The following EBF2 variants were observed in gnomAD, a reference collection of about 807,000 sequenced individuals.
The protein encoded by EBF2 is transcription factor COE2.
Under a neutral mutation model 72.8 loss-of-function variants are expected in EBF2, and 21 were observed. The ratio of observed to expected loss-of-function variants is 0.29; its 90% CI spans 0.20 to 0.42. The LOEUF (loss-of-function observed/expected upper bound fraction) is 0.42, where lower values mean the gene tolerates loss of function less well. EBF2 is among the 10% of genes least tolerant of loss of function. The pLI is 1.00. For synonymous variants in EBF2, 299 were observed against 274.2 expected (o/e 1.09, Z -0.89); for missense variants, 637 against 731.2 (o/e 0.87, Z 1.49).
chr8:25,929,478 A>G (rs1226411623), intron 6 of EBF2, among the ~76,000 whole-genome samples: 1 of 152,002 alleles, frequency 6.6e-6, no homozygotes, highest in Non-Finnish European at 1.5e-5. Context: ...TTGTGGGCTT[A>G]CTCTGTTTTT....
intron 3 of EBF2, 34 bp from the exon 4 acceptor site, chr8:26,040,705 G>A (rs2117266249): frequency 1.3e-6 from 2 of 1,550,674 alleles, no homozygotes; most frequent in East Asian, 2.4e-5. Context: ...GTCAAGGGCC[G>A]TAGAGCCCCT....
At chr8:25,988,281 G>A (rs1341432955) in intron 6 of EBF2, among the ~76,000 whole-genome samples, 2 of 152,122 alleles carry the variant, frequency 1.3e-5, no homozygotes, top group African/African-American at 4.8e-5. Context: ...ATCTTCCCAA[G>A]GCTCCATTAG....
At chr8:25,941,163 T>C (rs182810492) in intron 6 of EBF2, among the ~76,000 whole-genome samples, 1 of 151,130 alleles carries the variant, frequency 6.6e-6, no homozygotes, top group East Asian at 1.9e-4. Context: ...CTGCAGTCCC[T>C]GGGGCCTCCC....
rs529778990 is a variant in EBF2, at chr8:25,997,995, GA to G, written c.551+35089del. Among the ~76,000 whole-genome samples the G allele has an allele frequency of 8.9e-4, 136 of 152,024 alleles. 1 individual carries two copies. Among genetic ancestry groups the G allele is most frequent in the East Asian group, 3.1e-3 (16 of 5,186 alleles). ...TTAGAATTCCAAGGATAAATTGGCA[GA>G]AAAAAAATTATAACTAGAGACTTTT... On this transcript the variant is annotated intron_variant, in intron 6 of 15. Transcript: ENST00000520164.
At chr8:25,982,754 G>T (rs1477515695) in intron 6 of EBF2, among the ~76,000 whole-genome samples, 1 of 151,886 alleles carries the variant, frequency 6.6e-6, no homozygotes, top group East Asian at 1.9e-4. Context: ...GAAAGTTCAG[G>T]GTGATTTAAA....
intron 7 of EBF2, among the ~76,000 whole-genome samples, chr8:25,899,465 C>A (rs1802913727): frequency 6.6e-6 from 1 of 152,160 alleles, no homozygotes; most frequent in African/African-American, 2.4e-5. Flanking sequence ...AAGATGTGAA[C>A]TGAAGAAACC....
chr8:25,994,425 C>T (rs1301179452), intron 6 of EBF2, among the ~76,000 whole-genome samples: 1 of 152,060 alleles, frequency 6.6e-6, no homozygotes, highest in African/African-American at 2.4e-5. Flanking sequence ...TTCTTGAAAA[C>T]AATTTAATAG....
intron 6 of EBF2, among the ~76,000 whole-genome samples, chr8:25,978,456 TTGGCAGC>T (rs1157707212): frequency 3.9e-5 from 6 of 152,194 alleles, no homozygotes; most frequent in African/African-American, 7.2e-5. Flanking sequence ...AGGAATGCTA[TTGGCAGC>T]TGGCTGGGAG....
At chr8:25,929,457 G>A (rs1243293048) in intron 6 of EBF2, among the ~76,000 whole-genome samples, 3 of 152,182 alleles carry the variant, frequency 2.0e-5, no homozygotes, top group African/African-American at 4.8e-5. Flanking sequence ...GACACTCGAC[G>A]AGGCTTTTTA....
chr8:25,998,912 T>C (rs1804678105), intron 6 of EBF2, among the ~76,000 whole-genome samples: 1 of 152,278 alleles, frequency 6.6e-6, no homozygotes, highest in South Asian at 2.1e-4. Context: ...CGTCTCTCTT[T>C]GAATAAACAA....
chr8:25,948,343 C>T (rs1287098627), intron 6 of EBF2, among the ~76,000 whole-genome samples: 1 of 152,150 alleles, frequency 6.6e-6, no homozygotes, highest in Non-Finnish European at 1.5e-5. Flanking sequence ...GGAAGCAAAC[C>T]AGTTCTATGG....
chr8:25,895,917 G>GTGTGTA (rs1370751522), intron 7 of EBF2, among the ~76,000 whole-genome samples: 5 of 92,864 alleles, frequency 5.4e-5, no homozygotes, highest in Admixed American at 3.2e-4. Context: ...GGAACACCGT[G>GTGTGTA]TGTGTATGTG....
intron 6 of EBF2, among the ~76,000 whole-genome samples, chr8:25,996,014 C>A (rs1804621500): frequency 6.6e-6 from 1 of 152,062 alleles, no homozygotes; most frequent in Non-Finnish European, 1.5e-5. Flanking sequence ...CAAGGTAGGG[C>A]CAGGTACAAT....
intron 6 of EBF2, among the ~76,000 whole-genome samples, chr8:25,912,196 C>T (rs370096344): frequency 2.6e-5 from 4 of 152,034 alleles, no homozygotes; most frequent in African/African-American, 7.3e-5. Context: ...CTGGGAAAAA[C>T]GAAGGCCTCA....
At chr8:25,998,479 C>T (rs114762346) in intron 6 of EBF2, among the ~76,000 whole-genome samples, 1,760 of 152,256 alleles carry the variant, frequency 0.012, 23 homozygotes, top group South Asian at 0.028. Flanking sequence ...AGTGCATTTT[C>T]GGTGGTTTTG....
intron 7 of EBF2, among the ~76,000 whole-genome samples, chr8:25,892,408 T>C (rs1410643944): frequency 6.6e-6 from 1 of 152,162 alleles, no homozygotes; most frequent in East Asian, 1.9e-4. Flanking sequence ...GTTTGGGTTT[T>C]TTTGTAGGTA....
At position 25,845,973 on chromosome 8, in the gene EBF2, C is replaced by T. The variant is rs1801824712; in HGVS notation, c.1697-1333G>A. Among the ~76,000 whole-genome samples the T allele has an allele frequency of 2.6e-5, 4 of 152,246 alleles. No homozygotes were observed. In the South Asian group the frequency reaches 8.3e-4, roughly 32 times the overall value. On this transcript the variant is annotated intron_variant, in intron 15 of 15. Coordinates refer to ENST00000520164, the MANE Select transcript of EBF2 (RefSeq NM_022659.4). ...CTCTCTCCTCTCTTACTCTCTCTGC[C>T]CCTTTTTTCCACATCAGCTAGTCCT...
chr8:26,030,793 T>C (rs968846450), intron 6 of EBF2, among the ~76,000 whole-genome samples: 1 of 152,172 alleles, frequency 6.6e-6, no homozygotes, highest in Non-Finnish European at 1.5e-5. Context: ...AATGCCACAG[T>C]CACATAAAAC....
At chr8:25,889,697 A>G in intron 8 of EBF2, 55 bp downstream of exon 8, 1 of 1,406,964 alleles carries the variant, frequency 7.1e-7, no homozygotes, top group Non-Finnish European at 1.0e-6. Context: ...AGTTCGAACA[A>G]GGAAATTCGT....
Sources: gnomAD v4.1 joint callset for allele counts (sites outside exome capture counted in the v4.1 genomes callset) on GRCh38, gnomAD v4.1.1 for gene constraint, MANE v1.5 for transcripts, NCBI Gene and HGNC (gene_info 2026-07-23, HGNC 2026-07-21) for gene names.